LINGO2: variants seen among roughly 807,000 people sequenced by gnomAD.
LINGO2 encodes leucine-rich repeat and immunoglobulin-like domain-containing nogo receptor-interacting protein 2.
Under a neutral mutation model 30.6 loss-of-function variants are expected in LINGO2, and 14 were observed. That is an observed-to-expected ratio of 0.46 (90% CI 0.30 to 0.72). The LOEUF (loss-of-function observed/expected upper bound fraction) is 0.72, where lower values mean the gene tolerates loss of function less well. Among genes scored for constraint, LINGO2 ranks in the 30% least tolerant of loss-of-function variants. The pLI, the probability that LINGO2 is intolerant of heterozygous loss-of-function variation, is 0.07. For missense variants in LINGO2, 729 were observed against 751.7 expected (o/e 0.97, Z 0.35); for synonymous variants, 317 against 288.5 (o/e 1.10, Z -1.00).
intron 1 of LINGO2, among the ~76,000 whole-genome samples, chr9:28,588,421 T>C (rs1015920248): frequency 4.0e-5 from 6 of 151,774 alleles, no homozygotes; most frequent in Admixed American, 3.3e-4. Context: ...TGGTGTAAAA[T>C]AGGGGAAAAA....
the LINGO2 span, among the ~76,000 whole-genome samples, chr9:29,011,459 AAG>A: frequency 1.3e-5 from 2 of 152,128 alleles, no homozygotes; most frequent in South Asian, 4.1e-4. Flanking sequence ...CCTCCATGAG[AAG>A]AGTTTTCTTG....
At chr9:29,148,810 ATAATTACGGGATT>A in the LINGO2 span, among the ~76,000 whole-genome samples, 2 of 152,162 alleles carry the variant, frequency 1.3e-5, no homozygotes, top group African/African-American at 2.4e-5. Flanking sequence ...AATGTGGGTG[ATAATTACGGGATT>A]TTGCCCCACA....
At chr9:28,490,616 A>G (rs539970805) in intron 1 of LINGO2, among the ~76,000 whole-genome samples, 1 of 152,344 alleles carries the variant, frequency 6.6e-6, no homozygotes, top group East Asian at 1.9e-4. Flanking sequence ...TTACTTATGT[A>G]TAAGACAATA....
chr9:28,338,316 C>A (rs897371370), intron 3 of LINGO2, among the ~76,000 whole-genome samples: 1 of 152,156 alleles, frequency 6.6e-6, no homozygotes. Flanking sequence ...TTTACCCAAT[C>A]CCTGTAACCC....
the LINGO2 span, among the ~76,000 whole-genome samples, chr9:28,727,227 T>G: frequency 2.0e-5 from 3 of 152,120 alleles, no homozygotes; most frequent in Non-Finnish European, 4.4e-5. Flanking sequence ...AATAGGCAGC[T>G]GGGAATAGCG....
chr9:28,768,356 A>G, the LINGO2 span, among the ~76,000 whole-genome samples: 2 of 152,062 alleles, frequency 1.3e-5, no homozygotes, highest in African/African-American at 4.8e-5. Context: ...AGCAGTAGGA[A>G]CTTCTTCAAG....
the LINGO2 span, among the ~76,000 whole-genome samples, chr9:28,873,688 TC>T: frequency 1.4e-4 from 21 of 152,086 alleles, no homozygotes; most frequent in Admixed American, 2.6e-4. Flanking sequence ...AGTTATGAAC[TC>T]ATATAATTGC....
At chr9:27,939,093 A>G in the LINGO2 span, 3 of 152,208 alleles carry the variant, frequency 2.0e-5, no homozygotes, top group Non-Finnish European at 2.9e-5. Flanking sequence ...CCAACTCAAG[A>G]TCAATATTAG....
At chr9:28,771,897 A>G in the LINGO2 span, among the ~76,000 whole-genome samples, 1 of 152,152 alleles carries the variant, frequency 6.6e-6, no homozygotes, top group Non-Finnish European at 1.5e-5. Flanking sequence ...TTTTTAACAT[A>G]TCACAGCATT....
At chr9:28,166,477 T>G (rs1828430150) in intron 4 of LINGO2, among the ~76,000 whole-genome samples, 1 of 152,242 alleles carries the variant, frequency 6.6e-6, no homozygotes. Context: ...ATGATCTTTT[T>G]GTTTAGTGTT....
the LINGO2 span, among the ~76,000 whole-genome samples, chr9:28,699,744 T>C: frequency 2.6e-5 from 4 of 151,948 alleles, no homozygotes; most frequent in African/African-American, 9.7e-5. Flanking sequence ...GGGAAACGAA[T>C]TGTATTCCTG....
the LINGO2 span, among the ~76,000 whole-genome samples, chr9:28,927,682 TATCTC>T: frequency 6.6e-6 from 1 of 152,258 alleles, no homozygotes; most frequent in African/African-American, 2.4e-5. Flanking sequence ...CTTTTACCCT[TATCTC>T]ATCTATTGAA....
chr9:29,005,971 G>T, the LINGO2 span, among the ~76,000 whole-genome samples: 3 of 151,844 alleles, frequency 2.0e-5, no homozygotes, highest in Non-Finnish European at 2.9e-5. Flanking sequence ...ATAGCTGACT[G>T]TAATCAATTT....
chr9:28,827,664 A>C, the LINGO2 span, among the ~76,000 whole-genome samples: 1 of 152,190 alleles, frequency 6.6e-6, no homozygotes, highest in Admixed American at 6.5e-5. Context: ...GTTGGGAAGC[A>C]TATTTGGAAT....
At chr9:28,795,877 T>C in the LINGO2 span, among the ~76,000 whole-genome samples, 1 of 151,980 alleles carries the variant, frequency 6.6e-6, no homozygotes, top group Non-Finnish European at 1.5e-5. Flanking sequence ...AGGAGCTCTT[T>C]CTATTATGCC....
chr9:28,133,865 C>T (rs567198482), intron 4 of LINGO2, among the ~76,000 whole-genome samples: 20 of 152,274 alleles, frequency 1.3e-4, no homozygotes, highest in African/African-American at 4.8e-4. Context: ...TGCCATCCAT[C>T]ATTTACTAAT....
chr9:28,411,584 G>A (rs1822765291), intron 2 of LINGO2, among the ~76,000 whole-genome samples: 1 of 152,042 alleles, frequency 6.6e-6, no homozygotes, highest in African/African-American at 2.4e-5. Flanking sequence ...ATAAGTTGTT[G>A]CATAAACCAT....
the LINGO2 span, among the ~76,000 whole-genome samples, chr9:28,918,695 C>T: frequency 2.0e-5 from 3 of 152,130 alleles, no homozygotes; most frequent in East Asian, 1.9e-4. Flanking sequence ...TATATTTCAA[C>T]GTATGCGGAA....
chr9:28,754,775 C>T, the LINGO2 span, among the ~76,000 whole-genome samples: 4 of 151,624 alleles, frequency 2.6e-5, no homozygotes, highest in South Asian at 2.1e-4. Context: ...GGACTACAGG[C>T]GCTCACCACC....
Sources: allele counts gnomAD v4.1 joint callset (sites outside exome capture counted in the v4.1 genomes callset), GRCh38; gene constraint gnomAD v4.1.1; transcripts MANE v1.5; gene names NCBI Gene and HGNC (gene_info 2026-07-23, HGNC 2026-07-21).